Variants in RYR2 observed in about 807,000 individuals in gnomAD.
RYR2 encodes cardiac muscle ryanodine receptor-calcium release channel.
A neutral mutation model predicts 601.1 loss-of-function variants in RYR2; 227 were observed. The observed-to-expected ratio is 0.38, with a 90% confidence interval of 0.34 to 0.42. RYR2 has a LOEUF of 0.42. Ranked by LOEUF, RYR2 falls within the 10% of genes least tolerant of loss-of-function variation. RYR2 has a pLI of 1.00. For synonymous variants in RYR2, 2,223 were observed against 2,175.1 expected (o/e 1.02, Z -0.61); for missense variants, 4,646 against 6,156.5 (o/e 0.75, Z 8.21).
rs1362695740 is a variant in RYR2 at position 237,625,855 on chromosome 1, A to T, written c.6166+51A>T. On this transcript the variant is annotated intron_variant, in intron 40 of 104. Coordinates refer to ENST00000366574, the MANE Select transcript of RYR2 (RefSeq NM_001035.3). ...AGAATGACCCAACTGCTGACACTTA[A>T]CTCATCCTTTGAACGAATGTTTTAC... The T allele has an allele frequency of 1.9e-6, 3 of 1,589,982 alleles. No individual in the cohort carries two copies. The African/African-American group carries it at 4.0e-5, about 21-fold the overall frequency.
At chr1:237,393,153 A>T (rs1292699916) in intron 10 of RYR2, among the ~76,000 whole-genome samples, 1 of 152,052 alleles carries the variant, frequency 6.6e-6, no homozygotes, top group Admixed American at 6.5e-5. Flanking sequence ...AAGGAGAGAA[A>T]GCTTGTTCTT....
chr1:237,133,464 A>G (rs1672379067), intron 1 of RYR2, among the ~76,000 whole-genome samples: 1 of 152,156 alleles, frequency 6.6e-6, no homozygotes, highest in Admixed American at 6.5e-5. Flanking sequence ...CAGGTTTAAT[A>G]GGAGGGAGGG....
rs1200363612 is a variant in RYR2 at position 237,051,479 on chromosome 1, T to C, written c.48+8910T>C. On this transcript the variant is annotated intron_variant, in intron 1 of 104. Transcript: ENST00000366574. ...GGAACAATGGTGTCCACATGTCTTT[T>C]TGAGGTTGTACAGGGCATTCTTAAG... Among the ~76,000 whole-genome samples the C allele has an allele frequency of 5.9e-5, 9 of 151,820 alleles. No individual in the cohort carries two copies. The East Asian group carries it at 1.7e-3, about 30-fold the overall frequency.
At chr1:237,785,043 C>A in intron 90 of RYR2, 71 bp downstream of exon 90, 2 of 1,120,124 alleles carry the variant, frequency 1.8e-6, no homozygotes, top group Non-Finnish European at 2.6e-6. Context: ...ATCATTAGAC[C>A]AGGTTTCATG....
At chr1:237,676,364 G>T (rs1009293808) in intron 60 of RYR2, among the ~76,000 whole-genome samples, 1 of 152,092 alleles carries the variant, frequency 6.6e-6, no homozygotes, top group Non-Finnish European at 1.5e-5. Flanking sequence ...TTGTATGGGG[G>T]TGGGGAGAAT....
chr1:237,322,577 C>T (rs1695725947), intron 2 of RYR2, among the ~76,000 whole-genome samples: 2 of 152,112 alleles, frequency 1.3e-5, no homozygotes, highest in Non-Finnish European at 2.9e-5. Flanking sequence ...TGTCACAGAA[C>T]TCCCTAGAGA....
intron 100 of RYR2, among the ~76,000 whole-genome samples, chr1:237,810,960 TAGG>T (rs1661191276): frequency 1.3e-5 from 2 of 152,300 alleles, no homozygotes; most frequent in East Asian, 3.9e-4. Flanking sequence ...GATTTATTCA[TAGG>T]ACACTGTGAA....
At chr1:237,507,240 C>T (rs959908258) in intron 23 of RYR2, among the ~76,000 whole-genome samples, 6 of 152,156 alleles carry the variant, frequency 3.9e-5, no homozygotes, top group South Asian at 4.1e-4. Context: ...TGTGTAAAAG[C>T]GGAAACCTGT....
At chr1:237,579,248 CTTTTTTTTTTTTTTT>C (rs546960253) in intron 29 of RYR2, among the ~76,000 whole-genome samples, 2 of 68,094 alleles carry the variant, frequency 2.9e-5, no homozygotes, top group African/African-American at 9.9e-5. Context: ...TCTTCTTCTT[CTTTTTTTTTTTTTTT>C]TTTTTTTTTT....
chr1:237,127,560 G>T (rs1175144388), intron 1 of RYR2, among the ~76,000 whole-genome samples: 1 of 150,820 alleles, frequency 6.6e-6, no homozygotes, highest in Non-Finnish European at 1.5e-5. Flanking sequence ...CCTGGCGGGG[G>T]GCTGACCCCC....
intron 2 of RYR2, among the ~76,000 whole-genome samples, chr1:237,330,656 G>A (rs530527473): frequency 3.5e-4 from 53 of 152,310 alleles, no homozygotes; most frequent in African/African-American, 1.2e-3. Flanking sequence ...CCAGAGTGCT[G>A]GGATTACAGG....
At chr1:237,634,377 A>G (rs1019775233) in intron 43 of RYR2, among the ~76,000 whole-genome samples, 1 of 152,182 alleles carries the variant, frequency 6.6e-6, no homozygotes, top group African/African-American at 2.4e-5. Context: ...GACAAAAACC[A>G]CATGATCTCA....
chr1:237,690,659 C>CA (rs569299556), intron 63 of RYR2, among the ~76,000 whole-genome samples: 209 of 152,214 alleles, frequency 1.4e-3, no homozygotes, highest in African/African-American at 4.7e-3. Context: ...CTCGGGAGTT[C>CA]AAGACCAGCC....
chr1:237,822,672 C>G (rs1662643175), intron 101 of RYR2, among the ~76,000 whole-genome samples: 1 of 152,152 alleles, frequency 6.6e-6, no homozygotes, highest in Middle Eastern at 3.2e-3. Context: ...CAAATTCACA[C>G]ATAATAATAT....
intron 34 of RYR2, among the ~76,000 whole-genome samples, chr1:237,601,816 C>T (rs1041433919): frequency 6.6e-6 from 1 of 152,074 alleles, no homozygotes; most frequent in African/African-American, 2.4e-5. Flanking sequence ...ATGCCTTAAG[C>T]CCTTCAGAGT....
chr1:237,377,541 A>C, intron 8 of RYR2, 106 bp downstream of exon 8: 1 of 806,424 alleles, frequency 1.2e-6, no homozygotes, highest in Non-Finnish European at 2.0e-6. Context: ...AAAATTGCTT[A>C]TAACCATTCC....
chr1:237,784,163 G>T lies in RYR2; in HGVS notation c.12451G>T (p.Glu4151Ter). The T allele has an allele frequency of 6.2e-7, 1 of 1,614,028 alleles. No homozygotes were observed. Among genetic ancestry groups the T allele is most frequent in the Non-Finnish European group, 8.5e-7 (1 of 1,179,900 alleles). ...CAAACGCATCGAGAGGGTCTATTTT[G>T]AAATCAGTGAGTCCAGCCGAACCCA... ...SAKRIERVYF[E>*]ISESSRTQWE... Residue 4151 changes from glutamate to a stop codon, truncating the protein, a stop_gained, in exon 90 of 105, where the codon GAA becomes TAA. Transcript: ENST00000366574. LOFTEE classifies it high-confidence loss of function. This position sits in a 1 kb window ranked among gnomAD's most constrained non-coding sequence, Gnocchi z 7.1.
chr1:237,495,971 C>G (rs1488164681), intron 19 of RYR2, among the ~76,000 whole-genome samples: 1 of 152,138 alleles, frequency 6.6e-6, no homozygotes, highest in African/African-American at 2.4e-5. Flanking sequence ...ATCTCAGAAG[C>G]AAAACTGCTG....
Position 237,106,931 on chromosome 1 carries a change from C to T in RYR2, c.48+64362C>T, listed in dbSNP as rs1302890482. On this transcript the variant is annotated intron_variant, in intron 1 of 104. Coordinates refer to ENST00000366574, the MANE Select transcript of RYR2 (RefSeq NM_001035.3). The surrounding 1 kb of genome is among the most constrained non-coding windows in gnomAD (Gnocchi z 4.4). ...AGGGCAGTAATCACCTCCCAAGGCCCCGCCTCCTAATGCCATTACATTTGG... is the reference window on the plus strand; with the variant it reads ...AGGGCAGTAATCACCTCCCAAGGCCTCGCCTCCTAATGCCATTACATTTGG... Among the ~76,000 whole-genome samples, 1 of 152,154 alleles carries T rather than the reference C, an allele frequency of 6.6e-6. No homozygotes were observed. Among genetic ancestry groups the T allele is most frequent in the Non-Finnish European group, 1.5e-5 (1 of 68,036 alleles).
Sources: allele counts gnomAD v4.1 joint callset (sites outside exome capture counted in the v4.1 genomes callset), GRCh38; gene constraint gnomAD v4.1.1; non-coding constraint Gnocchi (gnomAD v3.1); transcripts MANE v1.5; gene names NCBI Gene and HGNC (gene_info 2026-07-23, HGNC 2026-07-21).